MACROD1: variants seen among roughly 807,000 people sequenced by gnomAD.
The protein encoded by MACROD1 is mono-ADP ribosylhydrolase 1.
Under a neutral mutation model 41.4 loss-of-function variants are expected in MACROD1, and 31 were observed. The ratio of observed to expected loss-of-function variants is 0.75; its 90% confidence interval spans 0.56 to 1.01. MACROD1 has a LOEUF of 1.01. Among genes scored for constraint, MACROD1 ranks in the 50% least tolerant of loss-of-function variants. The pLI, the probability that MACROD1 is intolerant of heterozygous loss-of-function variation, is 0.00. For synonymous variants in MACROD1, 252 were observed against 203.4 expected (o/e 1.24, Z -2.03); for missense variants, 473 against 460.0 (o/e 1.03, Z -0.26).
At chr11:64,021,377 CT>C (rs1185095761) in intron 3 of MACROD1, among the ~76,000 whole-genome samples, 1 of 152,222 alleles carries the variant, frequency 6.6e-6, no homozygotes, top group Non-Finnish European at 1.5e-5. Flanking sequence ...TGCTGTTCCC[CT>C]GACAGGGACG....
intron 3 of MACROD1, among the ~76,000 whole-genome samples, chr11:64,110,404 C>T (rs1474027240): frequency 4.0e-5 from 6 of 151,074 alleles, no homozygotes; most frequent in African/African-American, 9.7e-5. Context: ...GAGCCGTGAT[C>T]GGGCCACTGC....
intron 3 of MACROD1, among the ~76,000 whole-genome samples, chr11:64,026,281 T>TC (rs1335243886): frequency 6.6e-6 from 1 of 152,114 alleles, no homozygotes; most frequent in Non-Finnish European, 1.5e-5. Flanking sequence ...TGCCTCAGCC[T>TC]CCCTAAGGGC....
At chr11:64,132,207 T>C (rs1945275721) in intron 3 of MACROD1, among the ~76,000 whole-genome samples, 1 of 151,940 alleles carries the variant, frequency 6.6e-6, no homozygotes, top group Non-Finnish European at 1.5e-5. Context: ...TCTCGAGCCC[T>C]TTCTCAGTGG....
At position 64,090,163 on chromosome 11, in the gene MACROD1, C is replaced by T. The variant is rs1371054506; in HGVS notation, c.517+61076G>A. 6.6e-6 allele frequency among the ~76,000 whole-genome samples: 1 copy of T among 152,170 alleles called. No homozygotes were observed. Among genetic ancestry groups the T allele is most frequent in the African/African-American group, 2.4e-5 (1 of 41,434 alleles). ...CTAGGGACTCATCTCTGCCTGTCTT[C>T]CCAGGCCCCAGGTTTCAGGCCCCGA... On this transcript the variant is annotated intron_variant, in intron 3 of 10. Coordinates refer to ENST00000255681, the MANE Select transcript of MACROD1 (RefSeq NM_014067.4). This position sits in a 1 kb window ranked among gnomAD's most constrained non-coding sequence, Gnocchi z 4.7.
chr11:64,085,894 C>T (rs1944385165), intron 3 of MACROD1, among the ~76,000 whole-genome samples: 1 of 152,116 alleles, frequency 6.6e-6, no homozygotes, highest in African/African-American at 2.4e-5. Context: ...AAAGGGGGCC[C>T]TTCTCAGGGG....
chr11:64,160,444 A>G (rs1945736591), intron 1 of MACROD1, among the ~76,000 whole-genome samples: 1 of 152,144 alleles, frequency 6.6e-6, no homozygotes, highest in African/African-American at 2.4e-5. Flanking sequence ...TCAGGCAGAC[A>G]AGTATTTGGA....
intron 3 of MACROD1, among the ~76,000 whole-genome samples, chr11:64,092,252 A>T (rs1944503803): frequency 6.6e-6 from 1 of 152,204 alleles, no homozygotes; most frequent in African/African-American, 2.4e-5. Context: ...TCTGCCTCTT[A>T]AAAAAATTAA....
At chr11:64,097,123 C>A (rs1818400013) in intron 3 of MACROD1, among the ~76,000 whole-genome samples, 1 of 152,260 alleles carries the variant, frequency 6.6e-6, no homozygotes, top group Non-Finnish European at 1.5e-5. Flanking sequence ...TGTTGCTCAG[C>A]TGCACTGTGA....
At chr11:64,022,659 C>T (rs942853852) in intron 3 of MACROD1, among the ~76,000 whole-genome samples, 4 of 152,304 alleles carry the variant, frequency 2.6e-5, no homozygotes, top group African/African-American at 7.2e-5. Context: ...TCAAAGGCCC[C>T]TCAAGCTGTG....
chr11:64,087,621 G>A (rs989974356), intron 3 of MACROD1, among the ~76,000 whole-genome samples: 2 of 152,212 alleles, frequency 1.3e-5, no homozygotes, highest in African/African-American at 2.4e-5. Context: ...GGCCTTGCCC[G>A]CGGCCCCAGC....
At chr11:64,085,885 A>T (rs1462060145) in intron 3 of MACROD1, among the ~76,000 whole-genome samples, 6 of 152,132 alleles carry the variant, frequency 3.9e-5, no homozygotes, top group African/African-American at 1.4e-4. Context: ...GGGGTGAGGA[A>T]AGGGGGCCCT....
intron 3 of MACROD1, chr11:64,081,963 T>G (rs1252076400): frequency 6.6e-6 from 1 of 152,196 alleles, no homozygotes; most frequent in Non-Finnish European, 1.5e-5. Flanking sequence ...GTGTTCTAAA[T>G]GGACATGCCA....
chr11:64,015,263 C>G lies in MACROD1; in HGVS notation c.536G>C (p.Gly179Ala). The part of the protein sequence containing the change: ...IVNAANSSLL[G>A]GGGVDGCIHR... ...GAAGGTCCACTCACCGCCACCGCCT[C>G]CGAGCAGGGAGCTGTTGGCTGCAAG... The change falls in exon 4 of 11, where the codon GGA becomes GCA. Residue 179 changes from glycine (G) to alanine (A), a missense_variant. Coordinates refer to ENST00000255681, the MANE Select transcript of MACROD1 (RefSeq NM_014067.4). 1 of 1,605,328 alleles carries G rather than the reference C, an allele frequency of 6.2e-7. No individual in the cohort carries two copies.
chr11:64,021,954 T>G (rs1426059018), intron 3 of MACROD1, among the ~76,000 whole-genome samples: 80 of 1,504 alleles, frequency 0.053, 1 homozygote, highest in Admixed American at 0.092. Context: ...GGGGGGGGTG[T>G]GAGGTGGCGG....
intron 4 of MACROD1, 74 bp from the exon 5 acceptor site, chr11:64,000,417 G>A (rs1942803082): frequency 9.8e-7 from 1 of 1,022,366 alleles, no homozygotes; most frequent in African/African-American, 1.7e-5. Context: ...TCAGTCCCGA[G>A]AAGCCCCTCG....
chr11:64,159,949 G>A (rs1325754246), intron 1 of MACROD1, among the ~76,000 whole-genome samples: 1 of 152,186 alleles, frequency 6.6e-6, no homozygotes, highest in Non-Finnish European at 1.5e-5. Context: ...GAGGGAGAAT[G>A]GGCCCATGGA....
chr11:64,094,500 C>T (rs1944542897), intron 3 of MACROD1, among the ~76,000 whole-genome samples: 1 of 151,962 alleles, frequency 6.6e-6, no homozygotes. Context: ...GGGAAGCTTC[C>T]TGGAGGAAGA....
chr11:64,063,631 G>T (rs972656688), intron 3 of MACROD1, among the ~76,000 whole-genome samples: 73 of 152,212 alleles, frequency 4.8e-4, no homozygotes, highest in African/African-American at 1.7e-3. Context: ...CACCTCTGGA[G>T]GAGTGGGGTT....
chr11:64,071,026 T>C (rs1488572342), intron 3 of MACROD1, among the ~76,000 whole-genome samples: 1 of 152,146 alleles, frequency 6.6e-6, no homozygotes, highest in Non-Finnish European at 1.5e-5. Context: ...AGAGCGGCCA[T>C]ACTCATCTCT....
Sources: allele counts gnomAD v4.1 joint callset (sites outside exome capture counted in the v4.1 genomes callset), GRCh38; gene constraint gnomAD v4.1.1; non-coding constraint Gnocchi (gnomAD v3.1); transcripts MANE v1.5; gene names NCBI Gene and HGNC (gene_info 2026-07-23, HGNC 2026-07-21).